DNAJC18: variants seen among roughly 807,000 people sequenced by gnomAD.
DNAJC18 encodes DnaJ heat shock protein family (Hsp40) member C18.
DNAJC18 carries 40 observed loss-of-function variants against 48.6 expected under a neutral mutation model. The observed-to-expected ratio is 0.82, with a 90% confidence interval of 0.64 to 1.07. The LOEUF (loss-of-function observed/expected upper bound fraction) is 1.07, where lower values mean the gene tolerates loss of function less well. Ranked by LOEUF, DNAJC18 falls within the 50% of genes least tolerant of loss-of-function variation. The pLI is 0.00. For synonymous variants in DNAJC18, 135 were observed against 152.2 expected, an observed-to-expected ratio of 0.89 and a Z score of 0.83; for missense variants, 340 against 427.7, an observed-to-expected ratio of 0.79 and a Z score of 1.81.
Position 139,410,697 on chromosome 5 carries a change from G to A in DNAJC18, c.*3451C>T, listed in dbSNP as rs998465554. 1 of 152,068 alleles carries A rather than the reference G, an allele frequency of 6.6e-6. No homozygotes were observed. Among genetic ancestry groups the A allele is most frequent in the Non-Finnish European group, 1.5e-5 (1 of 68,044 alleles). The allele number at this position is 152,068 out of a possible 1,614,324, so 9.4% of individuals were successfully genotyped here. ...CCTGGGTATCATGAGGAAAAAGAAT[G>A]ACACATAGCTTGGCCAGGCTGCTGG... On this transcript the variant is annotated 3_prime_UTR_variant, in exon 8 of 8. Transcript: ENST00000302060.
chr5:139,439,447 T>C lies in DNAJC18; in HGVS notation c.-2A>G. On this transcript the variant is annotated 5_prime_UTR_variant, in exon 1 of 8. Transcript: ENST00000302060. The surrounding 1 kb of genome is among the most constrained non-coding windows in gnomAD (Gnocchi z 4.1). ...CCCGCTGCCCAGAGTCGCCGCCATA[T>C]CGGTTCCCAATCAGCAGGTCCGCCG... 6.2e-7 allele frequency: 1 copy of C among 1,613,764 alleles called. No homozygotes were observed. Among genetic ancestry groups the C allele is most frequent in the Non-Finnish European group, 8.5e-7 (1 of 1,179,982 alleles).
In DNAJC18 at chr5:139,410,247, C is replaced by T. The variant is rs1477048890; in HGVS notation, c.*3901G>A. 6.6e-6 allele frequency: 1 copy of T among 152,218 alleles called. No homozygotes were observed. Among genetic ancestry groups the T allele is most frequent in the Non-Finnish European group, 1.5e-5 (1 of 68,036 alleles). 9.4% of individuals were successfully genotyped at this position (152,218 alleles called of 1,614,324 possible). On this transcript the variant is annotated 3_prime_UTR_variant, in exon 8 of 8. Coordinates refer to ENST00000302060, the MANE Select transcript of DNAJC18 (RefSeq NM_152686.4). ...TTTAATGTTTTTCTTTGTTGCAGTA[C>T]ACTCAATCCAGATGTAGTGGATGAG... is the stretch of plus-strand genomic sequence containing the variant.
At chr5:139,429,198 C>T (rs1048752828) in intron 2 of DNAJC18, among the ~76,000 whole-genome samples, 6 of 151,586 alleles carry the variant, frequency 4.0e-5, no homozygotes, top group Admixed American at 3.9e-4. Context: ...ATTCTCCTGC[C>T]TCAGCCTCCC....
chr5:139,430,081 A>C (rs1484434934), intron 2 of DNAJC18, among the ~76,000 whole-genome samples: 1 of 152,224 alleles, frequency 6.6e-6, no homozygotes, highest in Non-Finnish European at 1.5e-5. Context: ...CTTAAAAATT[A>C]CTGATATGCA....
chr5:139,431,339 C>G lies in DNAJC18; in HGVS notation c.228-2656G>C, dbSNP rs143866743. Among the ~76,000 whole-genome samples the G allele has an allele frequency of 3.5e-4, 54 of 152,286 alleles. 1 individual carries two copies. The East Asian group carries it at 0.01, about 28-fold the overall frequency. ...ACATTTTTATCACCCCAAAAAGAAACTCTATACTCCTTAGTAGTCACTCCC... is the reference window on the plus strand; with the variant it reads ...ACATTTTTATCACCCCAAAAAGAAAGTCTATACTCCTTAGTAGTCACTCCC... On this transcript the variant is annotated intron_variant, in intron 2 of 7. Coordinates refer to ENST00000302060, the MANE Select transcript of DNAJC18 (RefSeq NM_152686.4).
At chr5:139,415,055 C>T (rs977090208) in intron 7 of DNAJC18, among the ~76,000 whole-genome samples, 7 of 152,144 alleles carry the variant, frequency 4.6e-5, no homozygotes, top group Admixed American at 4.6e-4. Context: ...CCTTTAGAGA[C>T]GTATTGCGTA....
chr5:139,433,535 A>G (rs572108717), intron 2 of DNAJC18, among the ~76,000 whole-genome samples: 24 of 152,288 alleles, frequency 1.6e-4, no homozygotes, highest in African/African-American at 5.5e-4. Flanking sequence ...GCTCACAAAG[A>G]GATGATTAGC....
intron 7 of DNAJC18, chr5:139,418,927 T>G: frequency 2.2e-6 from 1 of 450,096 alleles, no homozygotes. Context: ...ACTCTAACAC[T>G]GTGTGATTGG....
chr5:139,423,960 C>G (rs1013447716), intron 5 of DNAJC18, among the ~76,000 whole-genome samples: 4 of 152,178 alleles, frequency 2.6e-5, no homozygotes, highest in Non-Finnish European at 4.4e-5. Flanking sequence ...CCTGCCCAGA[C>G]TGTGCCTCTT....
chr5:139,435,329 G>C, intron 2 of DNAJC18, among the ~76,000 whole-genome samples: 1 of 152,052 alleles, frequency 6.6e-6, no homozygotes, highest in Non-Finnish European at 1.5e-5. Flanking sequence ...CTCCAGCCTG[G>C]GTGACAGAGC....
At position 139,415,702 on chromosome 5, in the gene DNAJC18, C is replaced by T. The variant is rs189628623; in HGVS notation, c.953-1430G>A. 2.0e-5 allele frequency among the ~76,000 whole-genome samples: 3 copies of T among 152,360 alleles called. No homozygotes were observed. In the East Asian group the frequency reaches 5.8e-4, roughly 29 times the overall value. On this transcript the variant is annotated intron_variant, in intron 7 of 7. Coordinates refer to ENST00000302060, the MANE Select transcript of DNAJC18 (RefSeq NM_152686.4). ...CCTGCCCAGGGCTCGGCACTAACTC[C>T]AATCTCAGGCTACTTTGGCATGTGG...
At chr5:139,419,290 A>G in intron 7 of DNAJC18, 1 of 374,934 alleles carries the variant, frequency 2.7e-6, no homozygotes. Context: ...GTTGGCTGAG[A>G]CGGGGCTACC....
rs759444866 is a variant in DNAJC18 at position 139,428,619 on chromosome 5, G to A, written c.292C>T (p.Leu98Phe). 15 of 1,613,914 alleles carry A rather than the reference G, an allele frequency of 9.3e-6. No homozygotes were observed. Among genetic ancestry groups the A allele is most frequent in the Admixed American group, 1.7e-5 (1 of 59,970 alleles). The change falls in exon 3 of 8, where the codon CTT becomes TTT. Residue 98 changes from leucine to phenylalanine, a missense_variant. Physicochemically the swap from Leu to Phe is conservative, Grantham distance 22. Transcript: ENST00000302060. ...GVSRDASDEE[L>F]KKAYRKLALK... is the part of the protein sequence containing the mutation. Reference sequence around the variant, plus strand: ...GCGAGTTTTCTGTAAGCTTTCTTAAGCTCTTCGTCACTAGCATCTCGAGAA... The same window carrying A: ...GCGAGTTTTCTGTAAGCTTTCTTAAACTCTTCGTCACTAGCATCTCGAGAA...
chr5:139,428,493 C>G lies in DNAJC18; in HGVS notation c.373+45G>C, dbSNP rs759410251. On this transcript the variant is annotated intron_variant, in intron 3 of 7. Transcript: ENST00000302060. Reference sequence around the variant, plus strand: ...GAAGGCTAAAAGCAACTTATTATGACCAACCATGACAAGGGCACCATTGAG... The same window carrying G: ...GAAGGCTAAAAGCAACTTATTATGAGCAACCATGACAAGGGCACCATTGAG... 16 of 1,580,826 alleles carry G rather than the reference C, an allele frequency of 1.0e-5. No individual in the cohort carries two copies. In the Admixed American group the frequency reaches 1.7e-4, roughly 17 times the overall value.
At position 139,428,522 on chromosome 5, in the gene DNAJC18, T is replaced by TG. The variant is rs747413850; in HGVS notation, c.373+15dup. The stretch of plus-strand genomic sequence containing the variant: ...CCATGACAAGGGCACCATTGAGCAT[T>TG]GGTTCAGGATCAGACCTTTGAAAGC... On this transcript the variant is annotated intron_variant, in intron 3 of 7. Coordinates refer to ENST00000302060, the MANE Select transcript of DNAJC18 (RefSeq NM_152686.4). The TG allele has an allele frequency of 7.5e-6, 12 of 1,601,232 alleles. No individual in the cohort carries two copies. The highest frequency in any genetic ancestry group is 1.0e-5 in the Non-Finnish European group (12 of 1,176,366).
intron 2 of DNAJC18, among the ~76,000 whole-genome samples, chr5:139,435,992 G>A (rs1057006818): frequency 6.6e-6 from 1 of 151,138 alleles, no homozygotes; most frequent in African/African-American, 2.4e-5. Context: ...CCAAAGTAAT[G>A]GGATTACAGG....
Position 139,420,153 on chromosome 5 carries a change from G to C in DNAJC18, c.852C>G (p.Asp284Glu), listed in dbSNP as rs148353111. The change falls in exon 7 of 8, where the codon GAC (aspartate) becomes GAG (glutamate). Residue 284 changes from aspartate to glutamate, a missense_variant. By Grantham distance (45) the Asp-to-Glu change is conservative. Transcript: ENST00000302060. Reference protein sequence around the residue: ...QVPYFVDKNFDKAYRGASLHD... With the variant: ...QVPYFVDKNFEKAYRGASLHD... ...GCAGAGAAGCTCCTCTGTAGGCCTT[G>C]TCAAAGTTTTTATCCACAAAGTAAG... 1.3e-4 allele frequency: 202 copies of C among 1,611,984 alleles called. No individual in the cohort carries two copies. Among genetic ancestry groups the C allele is most frequent in the Non-Finnish European group, 1.6e-4 (189 of 1,179,468 alleles).
At position 139,422,810 on chromosome 5, in the gene DNAJC18, T is replaced by C; in HGVS notation, c.677A>G (p.Tyr226Cys). The part of the protein sequence containing the change: ...EEEEEKPQTT[Y>C]SAFIQLLPVL... ...TGGAAGTAGCTGAATAAATGCAGAA[T>C]ATGTAGTCTGAAAAAGAAAAAAAAA... is the stretch of plus-strand genomic sequence containing the variant. Residue 226 changes from tyrosine to cysteine, a missense_variant, in exon 6 of 8, where the codon TAT becomes TGT. Physicochemically the swap from Tyr to Cys is radical, Grantham distance 194. Transcript: ENST00000302060. The C allele has an allele frequency of 6.3e-7, 1 of 1,577,448 alleles. No homozygotes were observed. The highest frequency in any genetic ancestry group is 8.6e-7 in the Non-Finnish European group (1 of 1,168,910).
intron 7 of DNAJC18, among the ~76,000 whole-genome samples, chr5:139,417,568 ATTTTTTTTTTTT>A (rs762169642): frequency 8.7e-6 from 1 of 114,474 alleles, no homozygotes; most frequent in Non-Finnish European, 1.8e-5. Context: ...TACTCACTGG[ATTTTTTTTTTTT>A]TTTTTTTTTT....
Sources: gnomAD v4.1 joint callset for allele counts (sites outside exome capture counted in the v4.1 genomes callset) on GRCh38, gnomAD v4.1.1 for gene constraint, Gnocchi (gnomAD v3.1) non-coding constraint, MANE v1.5 for transcripts, NCBI Gene and HGNC (gene_info 2026-07-23, HGNC 2026-07-21) for gene names.